Variants in GNB1 observed in about 807,000 individuals in gnomAD.
The protein encoded by GNB1 is guanine nucleotide-binding protein G(I)/G(S)/G(T) subunit beta-1.
A neutral mutation model predicts 42.9 loss-of-function variants in GNB1; 2 were observed. The observed-to-expected ratio is 0.05, with a 90% CI of 0.02 to 0.15. The LOEUF is 0.15. GNB1 is among the 10% of genes least tolerant of loss of function. The probability of loss-of-function intolerance (pLI) is 1.00; values close to 1 mark genes in which losing one functional copy is unlikely to be tolerated. For synonymous variants in GNB1, 183 were observed against 174.7 expected (o/e 1.05, Z -0.38); for missense variants, 193 against 462.2 (o/e 0.42, Z 5.34).
At chr1:1,844,455 A>G (rs963846158) in intron 1 of GNB1, among the ~76,000 whole-genome samples, 4 of 152,016 alleles carry the variant, frequency 2.6e-5, no homozygotes, top group Non-Finnish European at 5.9e-5. Context: ...AACTGACTCT[A>G]TACAGCTAAT....
At chr1:1,866,293 TACC>T (rs1263433596) in intron 1 of GNB1, among the ~76,000 whole-genome samples, 1 of 152,248 alleles carries the variant, frequency 6.6e-6, no homozygotes, top group African/African-American at 2.4e-5. Context: ...CCCCATGAGA[TACC>T]ACGTTTCACA....
At chr1:1,861,850 C>T (rs1224837618) in intron 1 of GNB1, among the ~76,000 whole-genome samples, 1 of 152,176 alleles carries the variant, frequency 6.6e-6, no homozygotes, top group Non-Finnish European at 1.5e-5. Context: ...CCCCATGAGG[C>T]AGCCACCAGA....
At chr1:1,830,814 TA>T (rs1001711635) in intron 2 of GNB1, among the ~76,000 whole-genome samples, 2 of 151,840 alleles carry the variant, frequency 1.3e-5, no homozygotes, top group African/African-American at 4.8e-5. Context: ...CCCAAAGCGC[TA>T]GACTCTAATC....
At chr1:1,860,479 A>C (rs1051279294) in intron 1 of GNB1, among the ~76,000 whole-genome samples, 4 of 151,396 alleles carry the variant, frequency 2.6e-5, no homozygotes, top group Non-Finnish European at 4.4e-5. Context: ...ACAAACAAAC[A>C]AAAAAAAATT....
chr1:1,834,946 G>GCTCA (rs778968322), intron 2 of GNB1, among the ~76,000 whole-genome samples: 12 of 152,102 alleles, frequency 7.9e-5, no homozygotes, highest in Non-Finnish European at 1.2e-4. Flanking sequence ...GGGATTACAG[G>GCTCA]CGTGAGCCAC....
In GNB1 at chr1:1,787,566, A is replaced by T. The variant is rs563155591; in HGVS notation, c.917-129T>A. 6 of 580,978 alleles carry T rather than the reference A, an allele frequency of 1.0e-5. No homozygotes were observed. The East Asian group carries it at 1.8e-4, about 17-fold the overall frequency. The allele number at this position is 580,978 out of a possible 1,614,324, so 36.0% of individuals were successfully genotyped here. ...GACCCAGAGTCTCCCACGGCCAGGAAGGGAGGGAAAGTTGCATCCACGTGG... is the reference window on the plus strand; with the variant it reads ...GACCCAGAGTCTCCCACGGCCAGGATGGGAGGGAAAGTTGCATCCACGTGG... On this transcript the variant is annotated intron_variant, in intron 10 of 11. Coordinates refer to ENST00000378609, the MANE Select transcript of GNB1 (RefSeq NM_002074.5). The surrounding 1 kb of genome is among the most constrained non-coding windows in gnomAD (Gnocchi z 4.4).
At chr1:1,810,221 G>A (rs919668653) in intron 5 of GNB1, among the ~76,000 whole-genome samples, 2 of 151,844 alleles carry the variant, frequency 1.3e-5, no homozygotes, top group African/African-American at 2.4e-5. Flanking sequence ...ACCTGCCACC[G>A]CGCCTGGCTT....
At chr1:1,817,979 G>A in intron 3 of GNB1, 104 bp from the exon 4 acceptor site, 5 of 862,440 alleles carry the variant, frequency 5.8e-6, no homozygotes, top group Admixed American at 3.7e-5. Flanking sequence ...GCTGTCAGGA[G>A]CAAAAGCAGA....
intron 3 of GNB1, among the ~76,000 whole-genome samples, chr1:1,822,022 C>G (rs1182448471): frequency 6.6e-6 from 1 of 152,084 alleles, no homozygotes; most frequent in Non-Finnish European, 1.5e-5. Flanking sequence ...GTAGTTCCAG[C>G]TACTCGGGAG....
chr1:1,867,667 AT>A (rs1274264371), intron 1 of GNB1, among the ~76,000 whole-genome samples: 2 of 152,202 alleles, frequency 1.3e-5, no homozygotes, highest in African/African-American at 4.8e-5. Context: ...TATCATATAT[AT>A]TCCTAACATT....
chr1:1,802,535 G>C (rs1214730796), intron 7 of GNB1, among the ~76,000 whole-genome samples: 1 of 152,084 alleles, frequency 6.6e-6, no homozygotes, highest in Non-Finnish European at 1.5e-5. Flanking sequence ...TTGGGAGGCC[G>C]AGGCAGGCAG....
At chr1:1,854,616 A>T (rs1648164922) in intron 1 of GNB1, among the ~76,000 whole-genome samples, 1 of 152,156 alleles carries the variant, frequency 6.6e-6, no homozygotes, top group African/African-American at 2.4e-5. Context: ...CTTCCTAAGT[A>T]AGTTTTTAAG....
chr1:1,878,359 T>C (rs998424898), intron 1 of GNB1, among the ~76,000 whole-genome samples: 1 of 152,206 alleles, frequency 6.6e-6, no homozygotes, highest in Non-Finnish European at 1.5e-5. Flanking sequence ...CCCAACACAC[T>C]TTACATAATA....
chr1:1,812,190 C>T (rs374169947), intron 5 of GNB1, among the ~76,000 whole-genome samples: 2 of 151,918 alleles, frequency 1.3e-5, no homozygotes, highest in East Asian at 3.9e-4. Flanking sequence ...ACCCTCCCCA[C>T]TCTGTCATGT....
At chr1:1,836,712 A>C (rs1647155252) in intron 2 of GNB1, among the ~76,000 whole-genome samples, 1 of 152,052 alleles carries the variant, frequency 6.6e-6, no homozygotes, top group Non-Finnish European at 1.5e-5. Context: ...CACTACACCT[A>C]GCTAATTTTT....
intron 1 of GNB1, among the ~76,000 whole-genome samples, chr1:1,855,339 A>G (rs190860870): frequency 1.5e-4 from 22 of 151,252 alleles, no homozygotes; most frequent in Admixed American, 1.5e-3. Flanking sequence ...AAAAAAAAGA[A>G]AAGAAAAGAA....
intron 3 of GNB1, chr1:1,818,451 T>A (rs941791096): frequency 6.6e-6 from 1 of 152,262 alleles, no homozygotes; most frequent in East Asian, 1.9e-4. Context: ...CGGTCTCACG[T>A]CTGTAATCCT....
Position 1,787,445 on chromosome 1 carries a change from C to A in GNB1, c.917-8G>T, listed in dbSNP as rs1345777505. 3.2e-6 allele frequency: 5 copies of A among 1,552,712 alleles called. No homozygotes were observed. Among genetic ancestry groups the A allele is most frequent in the Non-Finnish European group, 4.4e-6 (5 of 1,124,640 alleles). ...CATGCCCAGCCAAGACACCTGGGAG[C>A]AAACAACAGCAGAATCACACCAAAG... On this transcript the variant is annotated splice_region_variant and splice_polypyrimidine_tract_variant and intron_variant, in intron 10 of 11. Coordinates refer to ENST00000378609, the MANE Select transcript of GNB1 (RefSeq NM_002074.5). This position sits in a 1 kb window ranked among gnomAD's most constrained non-coding sequence, Gnocchi z 4.4.
chr1:1,793,998 G>C (rs944177793), intron 7 of GNB1: 1 of 152,456 alleles, frequency 6.6e-6, no homozygotes, highest in Non-Finnish European at 1.5e-5. Context: ...GCAGACACGG[G>C]GGTGCTCGTG....
Sources: allele counts gnomAD v4.1 joint callset (sites outside exome capture counted in the v4.1 genomes callset), GRCh38; gene constraint gnomAD v4.1.1; non-coding constraint Gnocchi (gnomAD v3.1); transcripts MANE v1.5; gene names NCBI Gene and HGNC (gene_info 2026-07-23, HGNC 2026-07-21).